GPC5: variants seen among roughly 807,000 people sequenced by gnomAD.
GPC5 encodes glypican 5.
In GPC5, 47 loss-of-function variants were observed where a neutral mutation model predicts 53.9. That is an observed-to-expected ratio of 0.87 (90% CI 0.69 to 1.11). GPC5 has a LOEUF of 1.11. Among genes scored for constraint, GPC5 ranks in the 50% most tolerant of loss-of-function variants. The pLI is 0.00. For missense variants in GPC5, 748 were observed against 713.1 expected, an observed-to-expected ratio of 1.05 and a Z score of -0.56; for synonymous variants, 286 against 263.3, an observed-to-expected ratio of 1.09 and a Z score of -0.84.
At chr13:92,640,158 GTA>G (rs931978412) in intron 7 of GPC5, among the ~76,000 whole-genome samples, 3 of 151,770 alleles carry the variant, frequency 2.0e-5, no homozygotes, top group Non-Finnish European at 2.9e-5. Flanking sequence ...GTATGTATGT[GTA>G]TATATATACA....
intron 7 of GPC5, among the ~76,000 whole-genome samples, chr13:92,593,959 AT>A (rs35134893): frequency 6.6e-6 from 1 of 152,176 alleles, no homozygotes; most frequent in Admixed American, 6.5e-5. Context: ...ATGTAATGGA[AT>A]TTTTTTAAAG....
At chr13:92,416,938 G>A (rs1225099995) in intron 7 of GPC5, among the ~76,000 whole-genome samples, 1 of 151,920 alleles carries the variant, frequency 6.6e-6, no homozygotes, top group African/African-American at 2.4e-5. Flanking sequence ...TGTAAACTTG[G>A]GTTACTATAA....
chr13:92,009,081 C>A (rs59962756), intron 6 of GPC5, among the ~76,000 whole-genome samples: 1 of 152,070 alleles, frequency 6.6e-6, no homozygotes, highest in African/African-American at 2.4e-5. Context: ...AATACTTGAA[C>A]AAATTTATAA....
intron 5 of GPC5, among the ~76,000 whole-genome samples, chr13:91,850,131 A>AC (rs1351990107): frequency 2.6e-5 from 4 of 152,200 alleles, no homozygotes; most frequent in Non-Finnish European, 1.5e-5. Flanking sequence ...TGGTTGAGAT[A>AC]CCATGACTCT....
At chr13:92,021,260 A>T (rs2138790768) in intron 6 of GPC5, among the ~76,000 whole-genome samples, 1 of 152,346 alleles carries the variant, frequency 6.6e-6, no homozygotes, top group Admixed American at 6.5e-5. Context: ...AGATAAAGAA[A>T]GTATGGTATA....
intron 7 of GPC5, among the ~76,000 whole-genome samples, chr13:92,606,441 T>G (rs9584049): frequency 0.021 from 3,264 of 152,268 alleles, 98 homozygotes; most frequent in African/African-American, 0.062. Context: ...GGCTGCATAG[T>G]GTTCCATGGT....
At chr13:91,986,061 C>CTTTTTTTTTTTTTTTTTT (rs779259362) in intron 6 of GPC5, among the ~76,000 whole-genome samples, 1 of 95,438 alleles carries the variant, frequency 1.0e-5, no homozygotes, top group Non-Finnish European at 1.9e-5. Flanking sequence ...TTAGCCAATA[C>CTTTTTTTTTTTTTTTTTT]TTTTTTTTTT....
chr13:92,634,128 G>A (rs920305973), intron 7 of GPC5, among the ~76,000 whole-genome samples: 70 of 149,532 alleles, frequency 4.7e-4, no homozygotes, highest in African/African-American at 1.7e-3. Context: ...ATCTTTTAAT[G>A]GAATGCTCAA....
At chr13:92,106,537 G>A (rs1390122510) in intron 6 of GPC5, among the ~76,000 whole-genome samples, 4 of 152,090 alleles carry the variant, frequency 2.6e-5, no homozygotes, top group East Asian at 1.9e-4. Context: ...CATAAAAATT[G>A]TCTTAGAGTT....
rs116296114 is a variant in GPC5, at chr13:92,227,164, A to G, written c.1561+82175A>G. Among the ~76,000 whole-genome samples the G allele has an allele frequency of 1.6e-3, 244 of 152,312 alleles. 1 individual carries two copies. Among genetic ancestry groups the G allele is most frequent in the African/African-American group, 5.7e-3 (238 of 41,582 alleles). On this transcript the variant is annotated intron_variant, in intron 7 of 7. Coordinates refer to ENST00000377067, the MANE Select transcript of GPC5 (RefSeq NM_004466.6). ...ACATTGAATAGTAAAGTCTCTGGAC[A>G]CGGAAATACCAAAGTGGAGGGTGAA...
chr13:92,254,389 G>T (rs1288092373), intron 7 of GPC5, among the ~76,000 whole-genome samples: 1 of 152,108 alleles, frequency 6.6e-6, no homozygotes, highest in Non-Finnish European at 1.5e-5. Flanking sequence ...TACATTTAAT[G>T]AAGTTTGTAT....
chr13:91,894,687 G>A (rs1196974473), intron 5 of GPC5, among the ~76,000 whole-genome samples: 1 of 152,136 alleles, frequency 6.6e-6, no homozygotes, highest in African/African-American at 2.4e-5. Flanking sequence ...CATTTAGAAT[G>A]TTTTGTTTTG....
At chr13:92,553,375 C>G (rs1882387701) in intron 7 of GPC5, among the ~76,000 whole-genome samples, 1 of 151,926 alleles carries the variant, frequency 6.6e-6, no homozygotes, top group African/African-American at 2.4e-5. Flanking sequence ...GATGATTGTA[C>G]CAACCAACTA....
intron 7 of GPC5, among the ~76,000 whole-genome samples, chr13:92,378,549 T>C (rs2043713267): frequency 6.6e-6 from 1 of 152,196 alleles, no homozygotes; most frequent in South Asian, 2.1e-4. Flanking sequence ...GTAATCAGAA[T>C]AGCGTGGACT....
rs2037336546 is a variant in GPC5 at position 91,758,257 on chromosome 13, A to T, written c.1280+1837A>T. Among the ~76,000 whole-genome samples, 6 of 152,142 alleles carry T rather than the reference A, an allele frequency of 3.9e-5. No individual in the cohort carries two copies. In the South Asian group the frequency reaches 1.2e-3, roughly 32 times the overall value. ...TCATGTCAACATTTCTGCTTCTTAG[A>T]TCTAGTAATTAAATTCTAGTTTGAC... On this transcript the variant is annotated intron_variant, in intron 5 of 7. Transcript: ENST00000377067.
chr13:91,644,306 A>G (rs1186023839), intron 2 of GPC5, among the ~76,000 whole-genome samples: 1 of 152,182 alleles, frequency 6.6e-6, no homozygotes, highest in East Asian at 1.9e-4. Context: ...AGAATATCCA[A>G]CGTCGCATAG....
chr13:92,554,937 G>GTTTTTTTTTTTTTTT (rs148890213), intron 7 of GPC5, among the ~76,000 whole-genome samples: 2 of 147,136 alleles, frequency 1.4e-5, no homozygotes, highest in Non-Finnish European at 1.5e-5. Context: ...TAAGTTTTGA[G>GTTTTTTTTTTTTTTT]TTTGTTTTTT....
intron 7 of GPC5, among the ~76,000 whole-genome samples, chr13:92,858,199 G>C (rs1010210665): frequency 6.6e-6 from 1 of 152,136 alleles, no homozygotes; most frequent in South Asian, 2.1e-4. Flanking sequence ...GACCTGGTTG[G>C]AGGTAATTGA....
intron 7 of GPC5, among the ~76,000 whole-genome samples, chr13:92,442,140 A>C (rs1352324750): frequency 1.3e-5 from 2 of 152,204 alleles, no homozygotes; most frequent in Non-Finnish European, 2.9e-5. Context: ...TAATTGCTGA[A>C]GGCTAGGATG....
Sources: gnomAD v4.1 joint callset for allele counts (sites outside exome capture counted in the v4.1 genomes callset) on GRCh38, gnomAD v4.1.1 for gene constraint, MANE v1.5 for transcripts, NCBI Gene and HGNC (gene_info 2026-07-23, HGNC 2026-07-21) for gene names.